ANGPT2: variants seen among roughly 807,000 people sequenced by gnomAD.
ANGPT2 encodes the protein angiopoietin 2, also known as angiopoietin-2.
In ANGPT2, 28 loss-of-function variants were observed where a neutral mutation model predicts 62.9. The observed-to-expected ratio is 0.44, with a 90% CI of 0.33 to 0.61. The LOEUF is 0.61. Among genes scored for constraint, ANGPT2 ranks in the 20% least tolerant of loss-of-function variants. The pLI is 0.03. For synonymous variants in ANGPT2, 284 were observed against 207.8 expected (o/e 1.37, Z -3.15); for missense variants, 727 against 594.9 (o/e 1.22, Z -2.31).
Position 6,500,046 on chromosome 8 carries a change from A to G in ANGPT2, c.*3055T>C. The G allele has an allele frequency of 1.3e-5, 11 of 836,794 alleles. No individual in the cohort carries two copies. The highest frequency in any genetic ancestry group is 4.2e-5 in the South Asian group (3 of 71,976). The allele number at this position is 836,794 out of a possible 1,614,324, so 51.8% of individuals were successfully genotyped here. On this transcript the variant is annotated 3_prime_UTR_variant, in exon 9 of 9. Coordinates refer to ENST00000629816, the MANE Select transcript of ANGPT2 (RefSeq NM_001118887.2). ...GTCAAGCACAATTATGCCCATAATT[A>G]AAAAGACATTCACAGAACTTAACAC... is the stretch of plus-strand genomic sequence containing the variant.
chr8:6,561,781 G>GA (rs939120735), intron 1 of ANGPT2, among the ~76,000 whole-genome samples: 13 of 151,984 alleles, frequency 8.6e-5, no homozygotes, highest in East Asian at 5.8e-4. Flanking sequence ...GTTTACATGT[G>GA]AAAAAAAATT....
intron 1 of ANGPT2, among the ~76,000 whole-genome samples, chr8:6,550,396 G>T (rs577842769): frequency 6.6e-6 from 1 of 152,320 alleles, no homozygotes; most frequent in South Asian, 2.1e-4. Context: ...AGACACGTGC[G>T]GTGACCCCGT....
chr8:6,552,776 G>T (rs143103551), intron 1 of ANGPT2, among the ~76,000 whole-genome samples: 7 of 151,352 alleles, frequency 4.6e-5, no homozygotes, highest in South Asian at 2.1e-4. Context: ...GTTAATTAAG[G>T]CAAGAGATCA....
chr8:6,521,361 G>A lies in ANGPT2; in HGVS notation c.616C>T (p.Leu206=). Residue 206 remains leucine, a synonymous_variant, in exon 4 of 9, where the codon CTA becomes TTA. Coordinates refer to ENST00000629816, the MANE Select transcript of ANGPT2 (RefSeq NM_001118887.2). ...LAMEDKHIIQ[L]QSIKEEKDQL... ...TCTTTCTCTTCTTTTATTGACTGTA[G>A]TTGGATGATGTGCTTGTCTTCCATA... The A allele has an allele frequency of 6.2e-7, 1 of 1,613,604 alleles. No individual in the cohort carries two copies. The highest frequency in any genetic ancestry group is 8.5e-7 in the Non-Finnish European group (1 of 1,179,918).
At chr8:6,542,906 A>G (rs1821871771) in intron 1 of ANGPT2, among the ~76,000 whole-genome samples, 1 of 152,212 alleles carries the variant, frequency 6.6e-6, no homozygotes, top group African/African-American at 2.4e-5. Flanking sequence ...AAATTTAGAT[A>G]ATTTTCTAGA....
At chr8:6,524,826 C>G (rs1324979226) in intron 3 of ANGPT2, among the ~76,000 whole-genome samples, 1 of 152,148 alleles carries the variant, frequency 6.6e-6, no homozygotes, top group African/African-American at 2.4e-5. Context: ...CATGGTTTCA[C>G]TGAAGAGAAA....
At chr8:6,560,518 C>G (rs554250944) in intron 1 of ANGPT2, among the ~76,000 whole-genome samples, 1 of 152,242 alleles carries the variant, frequency 6.6e-6, no homozygotes, top group African/African-American at 2.4e-5. Context: ...AAGCCGTAAA[C>G]CGAGCGAGAG....
Position 6,514,705 on chromosome 8 carries a change from AAATC to A in ANGPT2, c.997_1000del (p.Asp333PhefsTer29). 6.2e-7 allele frequency: 1 copy of A among 1,614,106 alleles called. No homozygotes were observed. Among genetic ancestry groups the A allele is most frequent in the Non-Finnish European group, 8.5e-7 (1 of 1,179,998 alleles). On this transcript the variant is annotated frameshift_variant, in exon 6 of 9. Transcript: ENST00000629816. LOFTEE classifies it high-confidence loss of function. Reference sequence around the variant, plus strand: ...TTTATATTCTTTCCAAGTCCTCTGAAAATCAACGCTGCCATCCTCACGTCGCTGA... The same window carrying A: ...TTTATATTCTTTCCAAGTCCTCTGAAAACGCTGCCATCCTCACGTCGCTGA...
chr8:6,499,897 T>G lies in ANGPT2; in HGVS notation c.*3204A>C. On this transcript the variant is annotated 3_prime_UTR_variant, in exon 9 of 9. Transcript: ENST00000629816. ...GGGTCACTGGATTTCTGAGGAGCCGTTCGAACTGTCTCACCACTTCCCTGC... is the reference window on the plus strand; with the variant it reads ...GGGTCACTGGATTTCTGAGGAGCCGGTCGAACTGTCTCACCACTTCCCTGC... The G allele has an allele frequency of 6.2e-7, 1 of 1,613,668 alleles. No homozygotes were observed. The highest frequency in any genetic ancestry group is 8.5e-7 in the Non-Finnish European group (1 of 1,180,002).
chr8:6,534,375 G>A lies in ANGPT2; in HGVS notation c.289-1888C>T, dbSNP rs550792641. Among the ~76,000 whole-genome samples the A allele has an allele frequency of 7.9e-5, 12 of 152,222 alleles. No individual in the cohort carries two copies. In the South Asian group the frequency reaches 8.3e-4, roughly 11 times the overall value. On this transcript the variant is annotated intron_variant, in intron 1 of 8. Coordinates refer to ENST00000629816, the MANE Select transcript of ANGPT2 (RefSeq NM_001118887.2). ...TATATGCAGATCTACCCTGTTTTACGGAAGAGGCTTGAGCACCGTGGATTT... is the reference window on the plus strand; with the variant it reads ...TATATGCAGATCTACCCTGTTTTACAGAAGAGGCTTGAGCACCGTGGATTT...
At chr8:6,514,897 A>T in intron 5 of ANGPT2, 119 bp from the exon 6 acceptor site, 1 of 765,430 alleles carries the variant, frequency 1.3e-6, no homozygotes, top group Non-Finnish European at 2.2e-6. Flanking sequence ...TCTCTGGGAT[A>T]TAAGGCACGG....
intron 1 of ANGPT2, among the ~76,000 whole-genome samples, chr8:6,546,188 AC>A (rs1822547169): frequency 6.6e-6 from 1 of 152,226 alleles, no homozygotes; most frequent in Non-Finnish European, 1.5e-5. Context: ...CAATTCCCAA[AC>A]TGTGTGCCAA....
rs1038555805 is a variant in ANGPT2, at chr8:6,536,943, A to G, written c.289-4456T>C. On this transcript the variant is annotated intron_variant, in intron 1 of 8. Transcript: ENST00000629816. ...AACCTGCCCAGAAATATGAAATTCC[A>G]TTCTAAGTATAAGGAAGTCTTAGTA... Among the ~76,000 whole-genome samples, 4 of 150,310 alleles carry G rather than the reference A, an allele frequency of 2.7e-5. No homozygotes were observed. In the South Asian group the frequency reaches 8.5e-4, roughly 32 times the overall value.
intron 1 of ANGPT2, 119 bp downstream of exon 1, chr8:6,562,528 G>T (rs543304004): frequency 3.5e-6 from 3 of 845,650 alleles, no homozygotes; most frequent in Non-Finnish European, 4.9e-6. Context: ...CCGCTCTCCA[G>T]CTCTAATCCT....
In ANGPT2 at chr8:6,562,716, G is replaced by A. The variant is rs371777232; in HGVS notation, c.219C>T (p.Tyr73=). The A allele has an allele frequency of 5.3e-5, 85 of 1,613,240 alleles. No individual in the cohort carries two copies. The highest frequency in any genetic ancestry group is 6.8e-5 in the Non-Finnish European group (80 of 1,179,630). Residue 73 remains tyrosine (Y), a synonymous_variant, in exon 1 of 9, where the codon TAC becomes TAT. Transcript: ENST00000629816. ...CTTGCAGCCTCTGCACCGAGTCATC[G>A]TATTCGAGCGGCGCGTCCCTCTGCA... is the stretch of plus-strand genomic sequence containing the variant. ...NAVQRDAPLE[Y]DDSVQRLQVL...
intron 3 of ANGPT2, among the ~76,000 whole-genome samples, chr8:6,523,197 C>T (rs1462229170): frequency 1.3e-5 from 2 of 152,098 alleles, no homozygotes; most frequent in African/African-American, 4.8e-5. Context: ...TGGGCTTTTA[C>T]CGTGTTAGCC....
intron 5 of ANGPT2, among the ~76,000 whole-genome samples, chr8:6,515,429 G>A (rs1353925326): frequency 1.3e-5 from 2 of 152,160 alleles, no homozygotes; most frequent in East Asian, 3.9e-4. Flanking sequence ...TTGGCCTCAA[G>A]GGCATGACTT....
intron 1 of ANGPT2, among the ~76,000 whole-genome samples, chr8:6,550,744 G>A (rs1044762885): frequency 6.6e-6 from 1 of 152,220 alleles, no homozygotes; most frequent in East Asian, 1.9e-4. Context: ...TTTGCGGCCT[G>A]TGTACGTTCT....
chr8:6,543,600 C>G (rs1196317896), intron 1 of ANGPT2, among the ~76,000 whole-genome samples: 3 of 152,106 alleles, frequency 2.0e-5, no homozygotes. Context: ...GAAATGTGTT[C>G]TTTCCTCTTT....
Sources: gnomAD v4.1 joint callset for allele counts (sites outside exome capture counted in the v4.1 genomes callset) on GRCh38, gnomAD v4.1.1 for gene constraint, MANE v1.5 for transcripts, NCBI Gene and HGNC (gene_info 2026-07-23, HGNC 2026-07-21) for gene names.